The following ANKRD24 variants were observed in gnomAD, a reference collection of about 807,000 sequenced individuals.
The protein encoded by ANKRD24 is ankyrin repeat domain-containing protein 24.
In ANKRD24, 109 loss-of-function variants were observed where a neutral mutation model predicts 127.8. The ratio of observed to expected loss-of-function variants is 0.85; its 90% confidence interval spans 0.73 to 1.00. The LOEUF (loss-of-function observed/expected upper bound fraction) is 1.00. Among genes scored for constraint, ANKRD24 ranks in the 50% least tolerant of loss-of-function variants. ANKRD24 has a pLI of 0.00. For synonymous variants in ANKRD24, 743 were observed against 671.1 expected, an observed-to-expected ratio of 1.11 and a Z score of -1.66; for missense variants, 1,648 against 1,570.2, an observed-to-expected ratio of 1.05 and a Z score of -0.84.
rs182687644 is a variant in ANKRD24 at position 4,196,865 on chromosome 19, C to T, written c.37-2818C>T. On this transcript the variant is annotated intron_variant, in intron 2 of 21. Transcript: ENST00000318934. ...CCTGCCATGGGCCAGGCACTGGGGA[C>T]GCTACAGTGACAGAAAGGAACCCAA... Among the ~76,000 whole-genome samples the T allele has an allele frequency of 3.3e-5, 5 of 152,222 alleles. No individual in the cohort carries two copies. In the East Asian group the frequency reaches 5.8e-4, roughly 18 times the overall value.
chr19:4,217,011 C>T lies in ANKRD24; in HGVS notation c.1851C>T (p.Asn617=), dbSNP rs1000871098. The stretch of plus-strand genomic sequence containing the variant: ...TGGAGACCACAGAAGAAGAAGCAAA[C>T]ATGGAAACTAAGCCCACAGGAGCTC... ...REMETTEEEA[N]METKPTGAQA... Residue 617 remains asparagine, a synonymous_variant, in exon 18 of 22, where the codon AAC becomes AAT. Transcript: ENST00000318934. 3.7e-6 allele frequency: 6 copies of T among 1,613,724 alleles called. No homozygotes were observed. Among genetic ancestry groups the T allele is most frequent in the Non-Finnish European group, 5.1e-6 (6 of 1,179,834 alleles).
chr19:4,222,597 C>CGT, intron 19 of ANKRD24, 73 bp from the exon 20 acceptor site: 1 of 1,454,696 alleles, frequency 6.9e-7, no homozygotes, highest in Non-Finnish European at 9.2e-7. Context: ...TGGCCTCTTC[C>CGT]TGCGGCTGCA....
Position 4,216,284 on chromosome 19 carries a change from G to A in ANKRD24, c.1271G>A (p.Gly424Glu), listed in dbSNP as rs1480503769. Residue 424 changes from glycine (G) to glutamate (E), a missense_variant and splice_region_variant, in exon 17 of 22, where the codon GGG becomes GAG. Gly to Glu is a moderately conservative substitution (Grantham distance 98). Coordinates refer to ENST00000318934, the MANE Select transcript of ANKRD24 (RefSeq NM_001393985.1). ...GGCCTGACTCTGCGTCCCCCTCCAG[G>A]GGCCGAGGTGCTGCTGTCCAGACAA... ...DEEGELPDLPGAEVLLSRQLS... is the reference protein window; with the variant it reads ...DEEGELPDLPEAEVLLSRQLS... 1.3e-6 allele frequency: 2 copies of A among 1,552,464 alleles called. No homozygotes were observed. Among genetic ancestry groups the A allele is most frequent in the Non-Finnish European group, 1.7e-6 (2 of 1,147,646 alleles).
intron 2 of ANKRD24, among the ~76,000 whole-genome samples, chr19:4,196,717 G>A (rs953882888): frequency 3.5e-4 from 53 of 152,176 alleles, no homozygotes; most frequent in Non-Finnish European, 8.8e-5. Flanking sequence ...CAAGGGTCTT[G>A]GCTGTGCCCC....
At chr19:4,201,993 T>C (rs1490182016) in intron 5 of ANKRD24, 33 bp from the exon 6 acceptor site, 1 of 1,600,960 alleles carries the variant, frequency 6.2e-7, no homozygotes. Flanking sequence ...CTTGAATAGC[T>C]GGAGCTCCAG....
In ANKRD24 at chr19:4,224,254, C is replaced by T. The variant is rs1970618823; in HGVS notation, c.3363+62C>T. On this transcript the variant is annotated intron_variant, in intron 21 of 21. Transcript: ENST00000318934. ...GGCATACCACTGTTGCTCTCTGAGC[C>T]TCAGTTTCCCCTTCTGTACAGTGGG... 4 of 1,505,466 alleles carry T rather than the reference C, an allele frequency of 2.7e-6. No individual in the cohort carries two copies. The Admixed American group carries it at 7.6e-5, about 29-fold the overall frequency. The allele number at this position is 1,505,466 out of a possible 1,614,324, so 93.3% of individuals were successfully genotyped here.
In ANKRD24 at chr19:4,217,726, C is replaced by T. The variant is rs1221089270; in HGVS notation, c.2566C>T (p.Gln856Ter). ...QSRELEVLRE[Q>*]LATARATGEQ... is the part of the protein sequence containing the mutation. Reference sequence around the variant, plus strand: ...CCGGGAGCTGGAGGTTCTGCGGGAGCAGCTGGCCACGGCCAGGGCCACGGG... The same window carrying T: ...CCGGGAGCTGGAGGTTCTGCGGGAGTAGCTGGCCACGGCCAGGGCCACGGG... The change falls in exon 18 of 22, where the codon CAG (glutamine) becomes TAG (stop). Residue 856 changes from glutamine (Q) to a stop codon, truncating the protein, a stop_gained. Transcript: ENST00000318934. LOFTEE classifies it high-confidence loss of function. The T allele has an allele frequency of 2.0e-5, 26 of 1,292,694 alleles. No homozygotes were observed. The highest frequency in any genetic ancestry group is 2.5e-5 in the Non-Finnish European group (26 of 1,024,636). The allele number at this position is 1,292,694 out of a possible 1,614,324, so 80.1% of individuals were successfully genotyped here.
intron 11 of ANKRD24, among the ~76,000 whole-genome samples, chr19:4,209,782 C>T (rs990970364): frequency 1.3e-5 from 2 of 152,196 alleles, no homozygotes; most frequent in Non-Finnish European, 2.9e-5. Flanking sequence ...CTCTGTTCCA[C>T]AGAGGAGTGA....
chr19:4,198,421 T>A lies in ANKRD24; in HGVS notation c.37-1262T>A, dbSNP rs1968889641. 1 of 499,880 alleles carries A rather than the reference T, an allele frequency of 2.0e-6. No individual in the cohort carries two copies. Among genetic ancestry groups the A allele is most frequent in the Non-Finnish European group, 3.6e-6 (1 of 281,286 alleles). The allele number at this position is 499,880 out of a possible 1,614,324, so 31.0% of individuals were successfully genotyped here. ...CCCGCCCTCCGGCCGCTCCCCGCGGTCCCTCCAGACCCTCTGGCCGCCGCC... is the reference window on the plus strand; with the variant it reads ...CCCGCCCTCCGGCCGCTCCCCGCGGACCCTCCAGACCCTCTGGCCGCCGCC... On this transcript the variant is annotated intron_variant, in intron 2 of 21. Coordinates refer to ENST00000318934, the MANE Select transcript of ANKRD24 (RefSeq NM_001393985.1). This position sits in a 1 kb window ranked among gnomAD's most constrained non-coding sequence, Gnocchi z 6.1.
At chr19:4,218,723 T>G in intron 18 of ANKRD24, among the ~76,000 whole-genome samples, 1 of 144,420 alleles carries the variant, frequency 6.9e-6, no homozygotes, top group Non-Finnish European at 1.5e-5. Context: ...TTCATCCCCC[T>G]TCCCTCCCCC....
At chr19:4,197,685 G>A (rs188858064) in intron 2 of ANKRD24, among the ~76,000 whole-genome samples, 214 of 152,238 alleles carry the variant, frequency 1.4e-3, no homozygotes, top group Non-Finnish European at 1.9e-3. Flanking sequence ...GGGTGAGCCC[G>A]TGAATGGGTG....
Position 4,217,870 on chromosome 19 carries a change from G to C in ANKRD24, c.2710G>C (p.Glu904Gln). The C allele has an allele frequency of 6.9e-7, 1 of 1,459,096 alleles. No homozygotes were observed. Among genetic ancestry groups the C allele is most frequent in the Non-Finnish European group, 9.0e-7 (1 of 1,112,454 alleles). 90.4% of individuals were successfully genotyped at this position (1,459,096 alleles called of 1,614,324 possible). A position where few individuals can be genotyped will look rare whatever the true frequency, so the allele number is the denominator to read the frequency against. Residue 904 changes from glutamate to glutamine, a missense_variant, in exon 18 of 22, where the codon GAG (glutamate) becomes CAG (glutamine). By Grantham distance (29) the Glu-to-Gln change is conservative. Transcript: ENST00000318934. ...EARQGLAELR[E>Q]ASEALRQSVV... ...GCGGCAGGGCCTGGCCGAGCTGCGGGAGGCCTCCGAGGCCCTCCGCCAGTC... is the reference window on the plus strand; with the variant it reads ...GCGGCAGGGCCTGGCCGAGCTGCGGCAGGCCTCCGAGGCCCTCCGCCAGTC...
At chr19:4,211,380 T>TG (rs1200950162) in intron 13 of ANKRD24, among the ~76,000 whole-genome samples, 1 of 152,032 alleles carries the variant, frequency 6.6e-6, no homozygotes, top group Non-Finnish European at 1.5e-5. Flanking sequence ...GGCTCACACC[T>TG]GTAATCCCAG....
chr19:4,209,430 GT>G (rs1568331400), intron 11 of ANKRD24, among the ~76,000 whole-genome samples: 1 of 143,688 alleles, frequency 7.0e-6, no homozygotes, highest in Admixed American at 7.0e-5. Flanking sequence ...TTTTTTTTTT[GT>G]TGTTGTTGTT....
intron 19 of ANKRD24, among the ~76,000 whole-genome samples, chr19:4,221,069 A>T (rs1970414701): frequency 6.6e-6 from 1 of 151,322 alleles, no homozygotes; most frequent in Non-Finnish European, 1.5e-5. Flanking sequence ...ATGCCTGGCT[A>T]ATTTTTTTGT....
chr19:4,186,537 C>A (rs1339527967), intron 2 of ANKRD24, 76 bp downstream of exon 2: 10 of 1,499,830 alleles, frequency 6.7e-6, no homozygotes, highest in African/African-American at 4.2e-5. Context: ...GGCTGAAGAT[C>A]CACCCTTTCA....
At chr19:4,186,513 GTC>G (rs1227827991) in intron 2 of ANKRD24, 52 bp downstream of exon 2, 21 of 1,558,154 alleles carry the variant, frequency 1.3e-5, no homozygotes, top group Non-Finnish European at 1.8e-5. Flanking sequence ...TCAGCCTTCT[GTC>G]TCCTGGGGCT....
intron 10 of ANKRD24, 62 bp from the exon 11 acceptor site, chr19:4,208,702 C>A: frequency 6.5e-7 from 1 of 1,542,366 alleles, no homozygotes; most frequent in Non-Finnish European, 8.9e-7. Context: ...TCCCTGGGGC[C>A]CACCAATGCC....
intron 2 of ANKRD24, among the ~76,000 whole-genome samples, chr19:4,188,279 G>T (rs745852252): frequency 4.0e-5 from 6 of 151,184 alleles, no homozygotes; most frequent in Non-Finnish European, 8.8e-5. Context: ...ACTTCACCAT[G>T]TTGGCCAGGC....
Sources: gnomAD v4.1 joint callset for allele counts (sites outside exome capture counted in the v4.1 genomes callset) on GRCh38, gnomAD v4.1.1 for gene constraint, Gnocchi (gnomAD v3.1) non-coding constraint, MANE v1.5 for transcripts, NCBI Gene and HGNC (gene_info 2026-07-23, HGNC 2026-07-21) for gene names.